Variants in RHOBTB3 observed in about 807,000 individuals in gnomAD.
RHOBTB3 encodes Rho related BTB domain containing 3.
In RHOBTB3, 47 loss-of-function variants were observed where a neutral mutation model predicts 67.2. That is an observed-to-expected ratio of 0.70 (90% confidence interval 0.55 to 0.89). The LOEUF (loss-of-function observed/expected upper bound fraction) is 0.89. Among genes scored for constraint, RHOBTB3 ranks in the 40% least tolerant of loss-of-function variants. RHOBTB3 has a pLI of 0.00. For synonymous variants in RHOBTB3, 273 were observed against 274.2 expected (o/e 1.00, Z 0.04); for missense variants, 631 against 750.0 (o/e 0.84, Z 1.85).
At chr5:95,769,148 C>A in intron 8 of RHOBTB3, 1 of 364,616 alleles carries the variant, frequency 2.7e-6, no homozygotes, top group South Asian at 2.7e-5. Context: ...GCCGTAGCTG[C>A]TACAGTGGGG....
At chr5:95,753,186 AC>A (rs1297770864) in intron 5 of RHOBTB3, among the ~76,000 whole-genome samples, 1 of 151,480 alleles carries the variant, frequency 6.6e-6, no homozygotes, top group Non-Finnish European at 1.5e-5. Context: ...GATATCTGCA[AC>A]TTTTAAATAT....
At chr5:95,719,253 T>C (rs952729197) in intron 1 of RHOBTB3, among the ~76,000 whole-genome samples, 3 of 152,146 alleles carry the variant, frequency 2.0e-5, no homozygotes, top group Non-Finnish European at 4.4e-5. Context: ...GACGGGAGTA[T>C]AGTAAATGTC....
chr5:95,723,183 TA>T (rs948879568), intron 1 of RHOBTB3, among the ~76,000 whole-genome samples: 226 of 145,628 alleles, frequency 1.6e-3, no homozygotes, highest in African/African-American at 4.4e-3. Context: ...CTGATGAACT[TA>T]AAAAAAAAAA....
chr5:95,760,100 C>CCGG (rs1745355721), intron 6 of RHOBTB3, among the ~76,000 whole-genome samples: 1 of 152,140 alleles, frequency 6.6e-6, no homozygotes. Context: ...TAACAACAGT[C>CCGG]CGGTTAACAT....
intron 3 of RHOBTB3, among the ~76,000 whole-genome samples, chr5:95,741,523 G>GTTTTTTTTTTTTTT (rs70978191): frequency 1.2e-5 from 1 of 84,852 alleles, no homozygotes; most frequent in Non-Finnish European, 2.2e-5. Flanking sequence ...CTTTCTTTCT[G>GTTTTTTTTTTTTTT]TTTTTTTTTT....
At position 95,759,202 on chromosome 5, in the gene RHOBTB3, G is replaced by A. The variant is rs145307293; in HGVS notation, c.1048+3441G>A. On this transcript the variant is annotated intron_variant, in intron 6 of 11. Coordinates refer to ENST00000379982, the MANE Select transcript of RHOBTB3 (RefSeq NM_014899.4). The stretch of plus-strand genomic sequence containing the variant: ...TGGCTTCTTAACCTGACACTGACCC[G>A]TCCCATTTCGGCTGTGATCTCTCCT... 3.0e-3 allele frequency among the ~76,000 whole-genome samples: 463 copies of A among 152,310 alleles called. 5 individuals are homozygous for A. The highest frequency in any genetic ancestry group is 0.011 in the African/African-American group (440 of 41,572).
At chr5:95,754,077 G>A (rs993452714) in intron 5 of RHOBTB3, among the ~76,000 whole-genome samples, 1 of 152,142 alleles carries the variant, frequency 6.6e-6, no homozygotes, top group Admixed American at 6.6e-5. Flanking sequence ...CTGCACTCCA[G>A]TGAGACTCTG....
Position 95,793,024 on chromosome 5 carries a change from A to T in RHOBTB3, c.1721-35A>T, listed in dbSNP as rs759878804. The T allele has an allele frequency of 2.9e-6, 4 of 1,400,092 alleles. No homozygotes were observed. The South Asian group carries it at 4.7e-5, about 16-fold the overall frequency. The allele number at this position is 1,400,092 out of a possible 1,614,324, so 86.7% of individuals were successfully genotyped here. On this transcript the variant is annotated intron_variant, in intron 11 of 11. Coordinates refer to ENST00000379982, the MANE Select transcript of RHOBTB3 (RefSeq NM_014899.4). ...TATCTTAATTGATCCATAATAAAAC[A>T]TATTCGGTTAACAGTCTTTTTCTTA...
intron 1 of RHOBTB3, among the ~76,000 whole-genome samples, chr5:95,720,220 A>G (rs1754827644): frequency 6.6e-6 from 1 of 152,200 alleles, no homozygotes; most frequent in South Asian, 2.1e-4. Flanking sequence ...GCCTTGGATA[A>G]TGTGACTTAA....
In RHOBTB3 at chr5:95,768,158, A is replaced by G; in HGVS notation, c.1274A>G (p.Glu425Gly). ...NKPMLADVVF[E>G]IQGTTVPAHR... ...CCGATGCTTGCCGATGTTGTCTTCG[A>G]AATTCAAGGTACGGATCAACTTTTA... Residue 425 changes from glutamate to glycine, a missense_variant, in exon 8 of 12, where the codon GAA becomes GGA. Coordinates refer to ENST00000379982, the MANE Select transcript of RHOBTB3 (RefSeq NM_014899.4). The G allele has an allele frequency of 6.2e-7, 1 of 1,611,688 alleles. No individual in the cohort carries two copies. The highest frequency in any genetic ancestry group is 2.2e-5 in the East Asian group (1 of 44,864).
chr5:95,756,810 T>C (rs982964742), intron 6 of RHOBTB3, among the ~76,000 whole-genome samples: 2 of 152,210 alleles, frequency 1.3e-5, no homozygotes, highest in African/African-American at 4.8e-5. Context: ...TTAAATCTAC[T>C]TGTAAAAACC....
chr5:95,759,067 C>A (rs753128929), intron 6 of RHOBTB3, among the ~76,000 whole-genome samples: 1 of 152,210 alleles, frequency 6.6e-6, no homozygotes, highest in East Asian at 1.9e-4. Context: ...AAATGGATGC[C>A]TAGTGGTTGG....
chr5:95,788,752 T>C lies in RHOBTB3; in HGVS notation c.1624-10T>C. 1 of 1,566,108 alleles carries C rather than the reference T, an allele frequency of 6.4e-7. No homozygotes were observed. The highest frequency in any genetic ancestry group is 8.7e-7 in the Non-Finnish European group (1 of 1,149,484). The stretch of plus-strand genomic sequence containing the variant: ...GTGCAATATTATTTCACTTTTCATT[T>C]TTCTTGCAGTTTCACCACTCTGATT... On this transcript the variant is annotated splice_polypyrimidine_tract_variant and intron_variant, in intron 10 of 11. Coordinates refer to ENST00000379982, the MANE Select transcript of RHOBTB3 (RefSeq NM_014899.4).
chr5:95,769,568 A>T (rs1310447169), intron 8 of RHOBTB3: 2 of 173,896 alleles, frequency 1.2e-5, no homozygotes, highest in Non-Finnish European at 2.4e-5. Flanking sequence ...TGAAGCAGTG[A>T]AAAGGGTTGT....
intron 2 of RHOBTB3, among the ~76,000 whole-genome samples, chr5:95,736,515 T>G (rs1214066370): frequency 1.3e-5 from 2 of 152,352 alleles, no homozygotes; most frequent in Non-Finnish European, 2.9e-5. Context: ...CTTTGAAGCT[T>G]CGTTACTCAT....
intron 3 of RHOBTB3, among the ~76,000 whole-genome samples, chr5:95,738,764 C>G (rs773794417): frequency 6.6e-6 from 1 of 151,862 alleles, no homozygotes; most frequent in Non-Finnish European, 1.5e-5. Flanking sequence ...AAGCACAAAA[C>G]GGACTAAGAC....
At chr5:95,774,752 A>G (rs1175830705) in intron 8 of RHOBTB3, among the ~76,000 whole-genome samples, 3 of 152,132 alleles carry the variant, frequency 2.0e-5, no homozygotes, top group African/African-American at 4.8e-5. Context: ...AAGTATGCTT[A>G]TATCTTAATT....
chr5:95,755,667 C>G lies in RHOBTB3; in HGVS notation c.954C>G (p.Ser318Arg), dbSNP rs750687863. Residue 318 changes from serine to arginine, a missense_variant, in exon 6 of 12, where the codon AGC becomes AGG. Ser to Arg is a moderately radical substitution (Grantham distance 110). Transcript: ENST00000379982. ...INRDTAFPGA[S>R]HESSGNPPLR... is the part of the protein sequence containing the mutation. ...GAGATACTGCATTTCCAGGTGCTAGCCATGAATCTTCAGGCAACCCACCAT... is the reference window on the plus strand; with the variant it reads ...GAGATACTGCATTTCCAGGTGCTAGGCATGAATCTTCAGGCAACCCACCAT... 2 of 1,614,150 alleles carry G rather than the reference C, an allele frequency of 1.2e-6. No homozygotes were observed. The highest frequency in any genetic ancestry group is 2.2e-5 in the South Asian group (2 of 91,076).
At chr5:95,775,823 A>G (rs1390213071) in intron 8 of RHOBTB3, among the ~76,000 whole-genome samples, 2 of 152,168 alleles carry the variant, frequency 1.3e-5, no homozygotes, top group Admixed American at 1.3e-4. Context: ...GGGAAGGAAA[A>G]TATTTTTATA....
Sources: gnomAD v4.1 joint callset for allele counts (sites outside exome capture counted in the v4.1 genomes callset) on GRCh38, gnomAD v4.1.1 for gene constraint, MANE v1.5 for transcripts, NCBI Gene and HGNC (gene_info 2026-07-23, HGNC 2026-07-21) for gene names.